The following TESMIN variants were observed in gnomAD, a reference collection of about 807,000 sequenced individuals.
TESMIN encodes testis expressed metallothionein like protein, also known as CXC domain containing 2.
TESMIN carries 34 observed loss-of-function variants against 47.4 expected under a neutral mutation model. The observed-to-expected ratio is 0.72, with a 90% CI of 0.55 to 0.96. TESMIN has a LOEUF of 0.96. Among genes scored for constraint, TESMIN ranks in the 40% least tolerant of loss-of-function variants. The probability of loss-of-function intolerance (pLI) is 0.00; values close to 1 mark genes in which losing one functional copy is unlikely to be tolerated. For synonymous variants in TESMIN, 278 were observed against 258.9 expected (o/e 1.07, Z -0.71); for missense variants, 610 against 637.2 (o/e 0.96, Z 0.46).
At chr11:68,737,946 A>C in intron 6 of TESMIN, 1 of 985,866 alleles carries the variant, frequency 1.0e-6, no homozygotes, top group Non-Finnish European at 1.2e-6. Context: ...ACAAAAAACA[A>C]GAAAAAACAA....
In TESMIN at chr11:68,715,940, C is replaced by T; in HGVS notation, c.918-1G>A. The T allele has an allele frequency of 6.3e-7, 1 of 1,599,622 alleles. No individual in the cohort carries two copies. Among genetic ancestry groups the T allele is most frequent in the East Asian group, 2.2e-5 (1 of 44,794 alleles). On this transcript the variant is annotated splice_acceptor_variant, in intron 6 of 9. Transcript: ENST00000255087. LOFTEE classifies it high-confidence loss of function. The stretch of plus-strand genomic sequence containing the variant: ...CCCACTGGCAAAGCAGTCACAGTAC[C>T]TGTGAAGGAAAGGACAGAGTGAGTG...
chr11:68,706,190 T>C (rs1403891505), downstream of TESMIN, among the ~76,000 whole-genome samples: 1 of 152,244 alleles, frequency 6.6e-6, no homozygotes. Flanking sequence ...GTACTGTCTC[T>C]GGTCAGCATA....
intron 6 of TESMIN, chr11:68,738,459 C>T: frequency 7.7e-7 from 1 of 1,303,068 alleles, no homozygotes; most frequent in Non-Finnish European, 9.8e-7. Flanking sequence ...GGACAGCGGA[C>T]AGGAGGACAG....
intron 7 of TESMIN, 52 bp downstream of exon 7, chr11:68,715,785 C>A: frequency 7.6e-7 from 1 of 1,324,064 alleles, no homozygotes; most frequent in Non-Finnish European, 1.1e-6. Flanking sequence ...ATGAACATCT[C>A]AAACAGTTTG....
rs748646987 is a variant in TESMIN at position 68,750,482 on chromosome 11, T to C, written c.179A>G (p.Lys60Arg). The change falls in exon 2 of 10, where the codon AAG becomes AGG. Residue 60 changes from lysine to arginine, a missense_variant. Physicochemically the swap from Lys to Arg is conservative, Grantham distance 26. Transcript: ENST00000255087. ...KEAYLGPADP[K>R]EPVLHAFNPA... ...GTTGAACGCGTGCAGGACGGGTTCC[T>C]TGGGGTCCGCCGGGCCCAGGTACGC... 1.9e-6 allele frequency: 3 copies of C among 1,602,348 alleles called. No individual in the cohort carries two copies. Among genetic ancestry groups the C allele is most frequent in the Admixed American group, 1.7e-5 (1 of 58,776 alleles).
chr11:68,740,331 G>C (rs145710395), intron 5 of TESMIN, among the ~76,000 whole-genome samples: 58 of 152,268 alleles, frequency 3.8e-4, no homozygotes, highest in African/African-American at 1.3e-3. Context: ...AACGATTCTC[G>C]AGAAGCAGCA....
chr11:68,719,971 A>G (rs762686303), intron 6 of TESMIN, among the ~76,000 whole-genome samples: 10 of 152,332 alleles, frequency 6.6e-5, no homozygotes, highest in Middle Eastern at 6.8e-3. Context: ...TAGGAAACCT[A>G]ATGAACTCTA....
chr11:68,712,427 A>C (rs767801410), intron 8 of TESMIN, among the ~76,000 whole-genome samples: 11 of 152,218 alleles, frequency 7.2e-5, no homozygotes, highest in Admixed American at 2.6e-4. Context: ...TCTCAAGCCC[A>C]ACCCTCTGTG....
intron 5 of TESMIN, 24 bp from the exon 6 acceptor site, chr11:68,738,812 T>C (rs1946421845): frequency 2.5e-6 from 4 of 1,582,290 alleles, no homozygotes; most frequent in Non-Finnish European, 2.6e-6. Flanking sequence ...AAGGCAAGGA[T>C]ATTTTGAATT....
chr11:68,720,325 CTTA>C (rs1946190500), intron 6 of TESMIN, among the ~76,000 whole-genome samples: 1 of 152,142 alleles, frequency 6.6e-6, no homozygotes, highest in Non-Finnish European at 1.5e-5. Context: ...CCCTAAAATC[CTTA>C]TTGTTTTATT....
At chr11:68,733,393 T>C (rs1946351543) in intron 6 of TESMIN, among the ~76,000 whole-genome samples, 1 of 152,110 alleles carries the variant, frequency 6.6e-6, no homozygotes, top group Non-Finnish European at 1.5e-5. Context: ...CCAAGAAAAA[T>C]TACGCCCCTT....
chr11:68,727,025 A>G (rs1055912134), intron 6 of TESMIN, among the ~76,000 whole-genome samples: 2 of 152,066 alleles, frequency 1.3e-5, no homozygotes, highest in African/African-American at 4.8e-5. Flanking sequence ...CCACCTTTGC[A>G]TATCAATTCA....
chr11:68,722,517 A>G (rs1946214060), intron 6 of TESMIN, among the ~76,000 whole-genome samples: 1 of 152,064 alleles, frequency 6.6e-6, no homozygotes, highest in Non-Finnish European at 1.5e-5. Context: ...AATAAAACTT[A>G]AAACTTCAAA....
chr11:68,730,201 A>G (rs1946310799), intron 6 of TESMIN, among the ~76,000 whole-genome samples: 1 of 152,228 alleles, frequency 6.6e-6, no homozygotes, highest in African/African-American at 2.4e-5. Context: ...ATAGTTATAT[A>G]AACATAACTT....
At chr11:68,731,455 A>AT (rs1421269980) in intron 6 of TESMIN, among the ~76,000 whole-genome samples, 1 of 151,130 alleles carries the variant, frequency 6.6e-6, no homozygotes, top group African/African-American at 2.4e-5. Flanking sequence ...TAAAAAAAAA[A>AT]ATACTGTCAT....
intron 2 of TESMIN, 54 bp downstream of exon 2, chr11:68,750,136 G>A: frequency 7.4e-7 from 1 of 1,347,776 alleles, no homozygotes; most frequent in Non-Finnish European, 9.7e-7. Context: ...AGCCTCAGAT[G>A]GGTTGGGGAA....
At position 68,738,745 on chromosome 11, in the gene TESMIN, G is replaced by A; in HGVS notation, c.872C>T (p.Pro291Leu). Residue 291 changes from proline (P) to leucine (L), a missense_variant, in exon 6 of 10, where the codon CCC (proline) becomes CTC (leucine). Pro to Leu is a moderately conservative substitution (Grantham distance 98). Transcript: ENST00000255087. Reference sequence around the variant, plus strand: ...TGGTCCTGGAAGAGTTGATCCCGAGGGGAAAGCAGACCCGTTGACTACCGA... The same window carrying A: ...TGGTCCTGGAAGAGTTGATCCCGAGAGGAAAGCAGACCCGTTGACTACCGA... ...LPSVVNGSAF[P>L]SGSTLPGPPK... 1 of 1,613,984 alleles carries A rather than the reference G, an allele frequency of 6.2e-7. No homozygotes were observed. Among genetic ancestry groups the A allele is most frequent in the Non-Finnish European group, 8.5e-7 (1 of 1,179,958 alleles).
chr11:68,746,449 T>C (rs1453423811), intron 3 of TESMIN, among the ~76,000 whole-genome samples: 1 of 152,192 alleles, frequency 6.6e-6, no homozygotes, highest in Non-Finnish European at 1.5e-5. Context: ...ACCAAACTCA[T>C]GACAGGCTCA....
chr11:68,731,980 TG>T (rs942594082), intron 6 of TESMIN, among the ~76,000 whole-genome samples: 1 of 152,244 alleles, frequency 6.6e-6, no homozygotes, highest in Non-Finnish European at 1.5e-5. Flanking sequence ...ATGTTCACGT[TG>T]TCTCTCCAAG....
Sources: gnomAD v4.1 joint callset for allele counts (sites outside exome capture counted in the v4.1 genomes callset) on GRCh38, gnomAD v4.1.1 for gene constraint, MANE v1.5 for transcripts, NCBI Gene and HGNC (gene_info 2026-07-23, HGNC 2026-07-21) for gene names.